TIMD4: variants seen among roughly 807,000 people sequenced by gnomAD.
TIMD4 encodes the protein T-cell immunoglobulin and mucin domain-containing protein 4.
TIMD4 carries 31 observed loss-of-function variants against 41.2 expected under a neutral mutation model. The observed-to-expected ratio is 0.75, with a 90% CI of 0.57 to 1.01. The LOEUF is 1.01. Ranked by LOEUF, TIMD4 falls within the 50% of genes least tolerant of loss-of-function variation. The pLI, the probability that TIMD4 is intolerant of heterozygous loss-of-function variation, is 0.00. For synonymous variants in TIMD4, 204 were observed against 177.1 expected, an observed-to-expected ratio of 1.15 and a Z score of -1.21; for missense variants, 479 against 472.5, an observed-to-expected ratio of 1.01 and a Z score of -0.13.
At chr5:156,943,718 T>G (rs1458220378) in intron 5 of TIMD4, among the ~76,000 whole-genome samples, 4 of 152,028 alleles carry the variant, frequency 2.6e-5, no homozygotes, top group Non-Finnish European at 4.4e-5. Context: ...TGGGAGAAAC[T>G]GGGGGCCATT....
rs146619249 is a variant in TIMD4 at position 156,954,607 on chromosome 5, G to T, written c.208C>A (p.Arg70Ser). The T allele has an allele frequency of 1.2e-6, 2 of 1,614,048 alleles. No individual in the cohort carries two copies. The highest frequency in any genetic ancestry group is 1.7e-6 in the Non-Finnish European group (2 of 1,179,892). The change falls in exon 2 of 9, where the codon CGC becomes AGC. Residue 70 changes from arginine (R) to serine (S), a missense_variant. Coordinates refer to ENST00000274532, the MANE Select transcript of TIMD4 (RefSeq NM_138379.3). ...PYSGCKEALI[R>S]TDGMRVTSRK... The stretch of plus-strand genomic sequence containing the variant: ...GAGGTCACCCTCATTCCATCAGTGC[G>T]GATGAGCGCCTCCTTGCAACCGGAG...
chr5:156,920,610 A>G, intron 7 of TIMD4, 107 bp from the exon 8 acceptor site: 1 of 1,172,538 alleles, frequency 8.5e-7, no homozygotes. Flanking sequence ...TATGGGCCAA[A>G]GGTGAGAACC....
intron 1 of TIMD4, among the ~76,000 whole-genome samples, chr5:156,960,489 C>T (rs1295423675): frequency 1.3e-5 from 2 of 150,960 alleles, no homozygotes; most frequent in Non-Finnish European, 2.9e-5. Context: ...TCACTGCAAC[C>T]TCTGCCTCTC....
At chr5:156,931,254 T>A (rs1022838401) in intron 5 of TIMD4, among the ~76,000 whole-genome samples, 2 of 152,230 alleles carry the variant, frequency 1.3e-5, no homozygotes, top group African/African-American at 4.8e-5. Context: ...AACTCTGAGA[T>A]AATAAATTTG....
intron 6 of TIMD4, among the ~76,000 whole-genome samples, chr5:156,922,489 C>T (rs965905492): frequency 3.9e-5 from 6 of 152,206 alleles, no homozygotes; most frequent in African/African-American, 1.2e-4. Context: ...AAATCTCTTT[C>T]CTAGCCGCTG....
intron 1 of TIMD4, among the ~76,000 whole-genome samples, chr5:156,956,416 T>C (rs1034411803): frequency 2.6e-5 from 4 of 152,172 alleles, no homozygotes; most frequent in African/African-American, 7.2e-5. Flanking sequence ...GAAGCATGAG[T>C]GTGTTTTAAC....
chr5:156,941,273 C>G (rs2113368590), intron 5 of TIMD4, among the ~76,000 whole-genome samples: 1 of 152,064 alleles, frequency 6.6e-6, no homozygotes, highest in South Asian at 2.1e-4. Flanking sequence ...ATGACCCTGC[C>G]AAATCCCCCT....
intron 1 of TIMD4, among the ~76,000 whole-genome samples, chr5:156,962,090 G>C (rs1390576040): frequency 2.0e-5 from 3 of 152,026 alleles, no homozygotes; most frequent in Non-Finnish European, 4.4e-5. Context: ...GGGAAAAGGG[G>C]TATGAAGAAA....
rs200331005 is a variant in TIMD4 at position 156,951,719 on chromosome 5, G to A, written c.472C>T (p.Arg158Ter). The A allele has an allele frequency of 8.8e-5, 142 of 1,614,072 alleles. 1 individual carries two copies. The East Asian group carries it at 1.0e-3, about 11-fold the overall frequency. The change falls in exon 3 of 9, where the codon CGA (arginine) becomes TGA (stop). Residue 158 changes from arginine (R) to a stop codon, truncating the protein, a stop_gained. Coordinates refer to ENST00000274532, the MANE Select transcript of TIMD4 (RefSeq NM_138379.3). LOFTEE classifies it high-confidence loss of function. ...RTTTTSPTTT[R>*]QMTTTPAALP... is the part of the protein sequence containing the mutation. ...GCAGCTGGGGTTGTTGTCATTTGTC[G>A]GGTGGTGGTGGGGCTTGTTGTTGTT... is the stretch of plus-strand genomic sequence containing the variant.
intron 1 of TIMD4, among the ~76,000 whole-genome samples, chr5:156,957,944 A>G (rs1399304482): frequency 6.6e-6 from 1 of 152,182 alleles, no homozygotes; most frequent in Non-Finnish European, 1.5e-5. Context: ...TTTCCCAAGT[A>G]CTTTTGCATA....
At chr5:156,922,015 G>A (rs1005469453) in intron 7 of TIMD4, 84 bp downstream of exon 7, 6 of 1,053,400 alleles carry the variant, frequency 5.7e-6, no homozygotes, top group Non-Finnish European at 8.4e-6. Context: ...GAGGGATAAA[G>A]GGGAAGGAAG....
chr5:156,930,383 G>T (rs1019534783), intron 5 of TIMD4, among the ~76,000 whole-genome samples: 27 of 152,252 alleles, frequency 1.8e-4, no homozygotes, highest in African/African-American at 6.5e-4. Context: ...GGTGGTAGTT[G>T]TGGAGCTGGG....
chr5:156,938,340 T>C (rs935800562), intron 5 of TIMD4, among the ~76,000 whole-genome samples: 1 of 152,226 alleles, frequency 6.6e-6, no homozygotes, highest in East Asian at 1.9e-4. Flanking sequence ...ATCTGAGGTT[T>C]GTTAAACATA....
chr5:156,944,851 C>T (rs1172292210), intron 5 of TIMD4, among the ~76,000 whole-genome samples: 1 of 152,076 alleles, frequency 6.6e-6, no homozygotes, highest in East Asian at 1.9e-4. Flanking sequence ...GCCTGGCCAG[C>T]TGTGTGATCT....
chr5:156,957,033 C>CT (rs74274013), intron 1 of TIMD4, among the ~76,000 whole-genome samples: 1,668 of 139,762 alleles, frequency 0.012, 9 homozygotes, highest in Non-Finnish European at 0.014. Flanking sequence ...TCACAGTTGG[C>CT]TTTTTTTTTT....
At chr5:156,928,221 C>T (rs1474908375) in intron 5 of TIMD4, among the ~76,000 whole-genome samples, 1 of 151,996 alleles carries the variant, frequency 6.6e-6, no homozygotes, top group African/African-American at 2.4e-5. Flanking sequence ...TCGCTTGAAC[C>T]CAGGATGGGG....
chr5:156,958,923 AT>A (rs1289507903), intron 1 of TIMD4, among the ~76,000 whole-genome samples: 7 of 152,220 alleles, frequency 4.6e-5, no homozygotes, highest in African/African-American at 1.7e-4. Flanking sequence ...AAAAGGGCAA[AT>A]TTCAAAACAA....
rs200247001 is a variant in TIMD4 at position 156,949,740 on chromosome 5, GA to G, written c.680-10del. The G allele has an allele frequency of 7.4e-4, 1,189 of 1,597,386 alleles. 2 individuals are homozygous for G. The African/African-American group carries it at 0.014, about 18-fold the overall frequency. ...GAGGACAGTTTCTGATTCTGGAAGAGAAAAAAGTTGGATAAAAGGCAGCTGA... is the reference window on the plus strand; with the variant it reads ...GAGGACAGTTTCTGATTCTGGAAGAGAAAAAGTTGGATAAAAGGCAGCTGA... On this transcript the variant is annotated splice_polypyrimidine_tract_variant and intron_variant, in intron 3 of 8. Transcript: ENST00000274532.
At chr5:156,930,608 C>T (rs1427344529) in intron 5 of TIMD4, among the ~76,000 whole-genome samples, 2 of 152,194 alleles carry the variant, frequency 1.3e-5, no homozygotes, top group South Asian at 4.1e-4. Flanking sequence ...AGGCAATCCA[C>T]TGGCTGTGGG....
Sources: allele counts gnomAD v4.1 joint callset (sites outside exome capture counted in the v4.1 genomes callset), GRCh38; gene constraint gnomAD v4.1.1; transcripts MANE v1.5; gene names NCBI Gene and HGNC (gene_info 2026-07-23, HGNC 2026-07-21).